The following EXOC6 variants were observed in gnomAD, a reference collection of about 807,000 sequenced individuals.
EXOC6 encodes the protein SEC15-like 1.
A neutral mutation model predicts 112.5 loss-of-function variants in EXOC6; 60 were observed. The observed-to-expected ratio is 0.53, with a 90% CI of 0.43 to 0.66. The LOEUF (loss-of-function observed/expected upper bound fraction) is 0.66. Ranked by LOEUF, EXOC6 falls within the 30% of genes least tolerant of loss-of-function variation. The pLI is 0.00. For missense variants in EXOC6, 855 were observed against 957.1 expected (o/e 0.89, Z 1.41); for synonymous variants, 295 against 308.0 (o/e 0.96, Z 0.44).
chr10:93,041,519 G>C (rs1845775688), intron 20 of EXOC6, among the ~76,000 whole-genome samples: 1 of 151,792 alleles, frequency 6.6e-6, no homozygotes, highest in Admixed American at 6.6e-5. Context: ...AGCCTCCCAA[G>C]TATGCCTCAG....
intron 20 of EXOC6, among the ~76,000 whole-genome samples, chr10:93,031,843 A>G (rs774088616): frequency 6.6e-6 from 1 of 151,934 alleles, no homozygotes; most frequent in Non-Finnish European, 1.5e-5. Context: ...GCACCCCATA[A>G]TACTACCCCT....
At chr10:92,975,342 C>T (rs1306404829) in intron 18 of EXOC6, among the ~76,000 whole-genome samples, 11 of 151,286 alleles carry the variant, frequency 7.3e-5, no homozygotes, top group Non-Finnish European at 1.5e-4. Flanking sequence ...ACCGCCCGGT[C>T]TGAGAAGTGA....
chr10:92,991,490 G>A, intron 18 of EXOC6, among the ~76,000 whole-genome samples: 1 of 150,936 alleles, frequency 6.6e-6, no homozygotes, highest in African/African-American at 2.4e-5. Context: ...TCATGGGACT[G>A]CCATGGCAGA....
At chr10:93,021,370 T>G (rs551532813) in intron 20 of EXOC6, among the ~76,000 whole-genome samples, 1 of 152,240 alleles carries the variant, frequency 6.6e-6, no homozygotes, top group South Asian at 2.1e-4. Context: ...CCCCATTGCA[T>G]AGTGGAAAAA....
At chr10:92,935,103 GAAGA>G (rs1852272359) in intron 11 of EXOC6, among the ~76,000 whole-genome samples, 1 of 150,532 alleles carries the variant, frequency 6.6e-6, no homozygotes, top group South Asian at 2.1e-4. Flanking sequence ...TTTAAAAATT[GAAGA>G]AAGTTTGTTA....
chr10:92,882,544 CAA>C (rs386372107), intron 1 of EXOC6, among the ~76,000 whole-genome samples: 1,624 of 112,872 alleles, frequency 0.014, 15 homozygotes, highest in Non-Finnish European at 0.019. Context: ...GGCTCTGTCT[CAA>C]AAAAAAAAAA....
chr10:93,024,372 A>C (rs570390088), intron 20 of EXOC6, among the ~76,000 whole-genome samples: 83 of 152,278 alleles, frequency 5.5e-4, no homozygotes, highest in Admixed American at 1.2e-3. Context: ...CAAGTCAGGT[A>C]AGTTTGGGAA....
intron 18 of EXOC6, among the ~76,000 whole-genome samples, chr10:92,994,094 C>T (rs1843377983): frequency 6.6e-6 from 1 of 152,272 alleles, no homozygotes; most frequent in African/African-American, 2.4e-5. Context: ...TGGCTCAATA[C>T]AAAACAAATT....
chr10:93,053,123 A>G (rs1386180830), intron 20 of EXOC6, among the ~76,000 whole-genome samples: 2 of 152,208 alleles, frequency 1.3e-5, no homozygotes, highest in African/African-American at 2.4e-5. Flanking sequence ...GTTGGGGTAG[A>G]GTGAAGGCAA....
At chr10:93,048,077 C>T (rs563706212) in intron 20 of EXOC6, among the ~76,000 whole-genome samples, 3 of 152,216 alleles carry the variant, frequency 2.0e-5, no homozygotes, top group East Asian at 3.9e-4. Context: ...TGAACTCTTA[C>T]GTTCAGTACT....
chr10:92,900,089 T>G (rs1850074123), intron 5 of EXOC6: 1 of 155,062 alleles, frequency 6.4e-6, no homozygotes, highest in Non-Finnish European at 1.4e-5. Flanking sequence ...AGTTTATTGA[T>G]TGCCATAGGA....
At chr10:92,897,326 A>G (rs1287288513) in intron 4 of EXOC6, among the ~76,000 whole-genome samples, 1 of 152,204 alleles carries the variant, frequency 6.6e-6, no homozygotes, top group Non-Finnish European at 1.5e-5. Flanking sequence ...GCTTTCCTCT[A>G]TTCATCTTTC....
chr10:93,015,443 A>G (rs1844454260), intron 20 of EXOC6, among the ~76,000 whole-genome samples: 1 of 152,238 alleles, frequency 6.6e-6, no homozygotes, highest in Admixed American at 6.5e-5. Flanking sequence ...CTGGTTAGGA[A>G]TCCTTATAAG....
chr10:93,057,351 A>G (rs548593810), intron 21 of EXOC6, among the ~76,000 whole-genome samples: 20 of 152,144 alleles, frequency 1.3e-4, no homozygotes, highest in South Asian at 2.1e-4. Context: ...AAAAAAGTCT[A>G]TAACTCAGGA....
At chr10:92,934,922 G>C (rs1342431590) in intron 11 of EXOC6, among the ~76,000 whole-genome samples, 2 of 152,024 alleles carry the variant, frequency 1.3e-5, no homozygotes, top group Admixed American at 1.3e-4. Flanking sequence ...AAAATTAAAT[G>C]ATCAGCTATC....
chr10:93,037,866 C>T (rs1289629231), intron 20 of EXOC6, among the ~76,000 whole-genome samples: 3 of 150,248 alleles, frequency 2.0e-5, no homozygotes, highest in African/African-American at 4.9e-5. Flanking sequence ...GGTGAAACCC[C>T]GTCTCTACTA....
chr10:92,861,650 C>G (rs184538234), intron 1 of EXOC6, among the ~76,000 whole-genome samples: 17 of 152,232 alleles, frequency 1.1e-4, no homozygotes, highest in African/African-American at 3.6e-4. Context: ...GCCTTCTCAG[C>G]TACTGCCACT....
chr10:93,022,812 G>C (rs1844845763), intron 20 of EXOC6, among the ~76,000 whole-genome samples: 1 of 151,912 alleles, frequency 6.6e-6, no homozygotes, highest in East Asian at 1.9e-4. Flanking sequence ...TCAGATGTTA[G>C]TGATTATTTA....
At chr10:93,054,789 G>A (rs1190646797) in intron 20 of EXOC6, among the ~76,000 whole-genome samples, 1 of 152,176 alleles carries the variant, frequency 6.6e-6, no homozygotes, top group African/African-American at 2.4e-5. Context: ...GCACAGTTGT[G>A]CAAATACACA....
Sources: allele counts gnomAD v4.1 joint callset (sites outside exome capture counted in the v4.1 genomes callset), GRCh38; gene constraint gnomAD v4.1.1; transcripts MANE v1.5; gene names NCBI Gene and HGNC (gene_info 2026-07-23, HGNC 2026-07-21).